Variants in SLC4A10 observed in about 807,000 individuals in gnomAD.
The protein encoded by SLC4A10 is sodium-driven chloride bicarbonate exchanger.
Under a neutral mutation model 137.7 loss-of-function variants are expected in SLC4A10, and 42 were observed. That is an observed-to-expected ratio of 0.30 (90% CI 0.24 to 0.39). The LOEUF (loss-of-function observed/expected upper bound fraction) is 0.39, where lower values mean the gene tolerates loss of function less well. SLC4A10 is among the 10% of genes least tolerant of loss of function. SLC4A10 has a pLI of 1.00. For synonymous variants in SLC4A10, 474 were observed against 464.1 expected, an observed-to-expected ratio of 1.02 and a Z score of -0.27; for missense variants, 925 against 1,355.0, an observed-to-expected ratio of 0.68 and a Z score of 4.98.
intron 3 of SLC4A10, among the ~76,000 whole-genome samples, chr2:161,819,546 G>C (rs1389719614): frequency 6.6e-6 from 1 of 151,636 alleles, no homozygotes; most frequent in African/African-American, 2.4e-5. Context: ...CCAGGCTGCA[G>C]TGCTGTAGCA....
intron 1 of SLC4A10, among the ~76,000 whole-genome samples, chr2:161,710,921 C>T (rs1029230313): frequency 1.3e-5 from 2 of 151,700 alleles, no homozygotes; most frequent in Non-Finnish European, 3.0e-5. Flanking sequence ...ATTGTGTTCA[C>T]ATTTTGAATT....
At chr2:161,873,823 G>T in intron 7 of SLC4A10, 93 bp from the exon 8 acceptor site, 1 of 1,244,728 alleles carries the variant, frequency 8.0e-7, no homozygotes, top group East Asian at 2.6e-5. Flanking sequence ...AAATAATCTA[G>T]ATCTAGTTAC....
At chr2:161,737,423 CT>C (rs201323938) in intron 1 of SLC4A10, among the ~76,000 whole-genome samples, 339 of 143,568 alleles carry the variant, frequency 2.4e-3, no homozygotes, top group African/African-American at 2.2e-3. Context: ...TACAGAATAG[CT>C]TTTTTTTTTT....
chr2:161,684,590 T>C (rs938792897), intron 1 of SLC4A10, among the ~76,000 whole-genome samples: 8 of 152,200 alleles, frequency 5.3e-5, no homozygotes, highest in Non-Finnish European at 1.2e-4. Context: ...TTGTCACTTA[T>C]CTAGTTATGT....
rs1307485001 is a variant in SLC4A10, at chr2:161,770,877, T to C, written c.49-96T>C. ...GAACAACTAGATTTAAATGACTGAA[T>C]TAAGCCTTGAAATATTAAATTATAT... On this transcript the variant is annotated intron_variant, in intron 1 of 26. Transcript: ENST00000446997. 9 of 812,722 alleles carry C rather than the reference T, an allele frequency of 1.1e-5. No individual in the cohort carries two copies. In the Admixed American group the frequency reaches 1.2e-4, roughly 11 times the overall value. The allele number at this position is 812,722 out of a possible 1,614,324, so 50.3% of individuals were successfully genotyped here.
At chr2:161,638,807 T>C (rs181609870) in intron 1 of SLC4A10, among the ~76,000 whole-genome samples, 1 of 152,158 alleles carries the variant, frequency 6.6e-6, no homozygotes. Flanking sequence ...AAATGTTTTA[T>C]AGTTTTTATT....
chr2:161,854,845 C>T (rs2060014334), intron 4 of SLC4A10, 125 bp from the exon 5 acceptor site: 14 of 914,266 alleles, frequency 1.5e-5, no homozygotes, highest in Non-Finnish European at 2.1e-5. Context: ...CTTTTATATA[C>T]TTCCAAAACC....
At chr2:161,758,094 T>C (rs1037995057) in intron 1 of SLC4A10, among the ~76,000 whole-genome samples, 1 of 151,980 alleles carries the variant, frequency 6.6e-6, no homozygotes, top group Non-Finnish European at 1.5e-5. Flanking sequence ...GAGATATTTT[T>C]AGTATTTGTA....
intron 1 of SLC4A10, among the ~76,000 whole-genome samples, chr2:161,739,233 A>G (rs1022159558): frequency 9.2e-5 from 14 of 152,148 alleles, no homozygotes; most frequent in African/African-American, 3.4e-4. Context: ...TCTTTTATCC[A>G]GATTAACCAG....
At chr2:161,677,310 T>C (rs2040374303) in intron 1 of SLC4A10, among the ~76,000 whole-genome samples, 1 of 152,172 alleles carries the variant, frequency 6.6e-6, no homozygotes, top group African/African-American at 2.4e-5. Flanking sequence ...GGTGCCACGC[T>C]TCTTGTACAG....
chr2:161,715,004 C>T (rs2044689157), intron 1 of SLC4A10, among the ~76,000 whole-genome samples: 1 of 151,878 alleles, frequency 6.6e-6, no homozygotes, highest in South Asian at 2.1e-4. Context: ...TATGTACACA[C>T]ACATACTGTA....
chr2:161,832,352 T>C (rs745402075), intron 3 of SLC4A10, among the ~76,000 whole-genome samples: 1 of 152,190 alleles, frequency 6.6e-6, no homozygotes, highest in Non-Finnish European at 1.5e-5. Context: ...CCCTTCACAA[T>C]TCTTGGCAGT....
chr2:161,867,996 C>G (rs2060866290), intron 6 of SLC4A10, among the ~76,000 whole-genome samples: 2 of 151,842 alleles, frequency 1.3e-5, no homozygotes, highest in Admixed American at 6.6e-5. Context: ...ACCTCCATGT[C>G]TTCATCCCAG....
At chr2:161,703,703 A>C (rs1373523045) in intron 1 of SLC4A10, among the ~76,000 whole-genome samples, 1 of 151,758 alleles carries the variant, frequency 6.6e-6, no homozygotes, top group Non-Finnish European at 1.5e-5. Flanking sequence ...GGAATCTATT[A>C]ATAACTGGAG....
At chr2:161,804,683 C>T (rs1013790962) in intron 3 of SLC4A10, 88 bp downstream of exon 3, 4 of 1,201,614 alleles carry the variant, frequency 3.3e-6, no homozygotes, top group African/African-American at 3.1e-5. Context: ...ACCTTATACT[C>T]ATAAAATTGT....
intron 16 of SLC4A10, among the ~76,000 whole-genome samples, chr2:161,946,437 A>G (rs1401505710): frequency 6.6e-6 from 1 of 152,004 alleles, no homozygotes; most frequent in Admixed American, 6.6e-5. Flanking sequence ...TCAGGCCTAA[A>G]GTTGGGCAGA....
chr2:161,812,901 C>G lies in SLC4A10; in HGVS notation c.277+8306C>G, dbSNP rs1019600939. ...AGTTTAATGTTAGTCTTTTATATTA[C>G]CATTTGATTATCTGCAGAATAAATT... On this transcript the variant is annotated intron_variant, in intron 3 of 26. Coordinates refer to ENST00000446997, the MANE Select transcript of SLC4A10 (RefSeq NM_001178015.2). Among the ~76,000 whole-genome samples, 7 of 152,132 alleles carry G rather than the reference C, an allele frequency of 4.6e-5. No individual in the cohort carries two copies. In the East Asian group the frequency reaches 1.4e-3, roughly 29 times the overall value.
At chr2:161,737,471 T>C (rs576940348) in intron 1 of SLC4A10, among the ~76,000 whole-genome samples, 82 of 152,078 alleles carry the variant, frequency 5.4e-4, no homozygotes, top group Middle Eastern at 3.4e-3. Flanking sequence ...TTAGTGGATG[T>C]AGTTTTTCTT....
intron 3 of SLC4A10, among the ~76,000 whole-genome samples, chr2:161,815,473 C>A (rs546471844): frequency 4.6e-4 from 70 of 152,232 alleles, no homozygotes; most frequent in Middle Eastern, 6.8e-3. Flanking sequence ...AGCTGTGAGA[C>A]AATTAAACTT....
Sources: gnomAD v4.1 joint callset for allele counts (sites outside exome capture counted in the v4.1 genomes callset) on GRCh38, gnomAD v4.1.1 for gene constraint, MANE v1.5 for transcripts, NCBI Gene and HGNC (gene_info 2026-07-23, HGNC 2026-07-21) for gene names.